Variants in NLGN4Y observed in about 807,000 individuals in gnomAD.
NLGN4Y encodes the protein neuroligin-4, Y-linked.
A neutral mutation model predicts 8.4 loss-of-function variants in NLGN4Y; 4 were observed. The observed-to-expected ratio is 0.48, with a 90% CI of 0.23 to 1.09. The LOEUF (loss-of-function observed/expected upper bound fraction) is 1.09, where lower values mean the gene tolerates loss of function less well. Ranked by LOEUF, NLGN4Y falls within the 50% of genes least tolerant of loss-of-function variation. The probability of loss-of-function intolerance (pLI) is 0.19; values close to 1 mark genes in which losing one functional copy is unlikely to be tolerated. For synonymous variants in NLGN4Y, 35 were observed against 75.6 expected, an observed-to-expected ratio of 0.46 and a Z score of 2.78; for missense variants, 90 against 192.3, an observed-to-expected ratio of 0.47 and a Z score of 3.15.
intron 1 of NLGN4Y, among the ~76,000 whole-genome samples, chrY:14,561,844 T>C (rs2080228862): frequency 2.9e-5 from 1 of 34,130 alleles, no homozygotes; most frequent in Non-Finnish European, 7.3e-5. Flanking sequence ...TTATTTCATA[T>C]GTCTGTTGGC....
intron 4 of NLGN4Y, among the ~76,000 whole-genome samples, chrY:14,749,272 A>G: frequency 9.0e-5 from 3 of 33,386 alleles, no homozygotes; most frequent in African/African-American, 3.5e-4. Context: ...AGGCTAAGGG[A>G]TTAAAGGAGG....
At chrY:14,605,031 T>C in intron 1 of NLGN4Y, among the ~76,000 whole-genome samples, 1 of 33,068 alleles carries the variant, frequency 3.0e-5, no homozygotes, top group Admixed American at 2.8e-4. Context: ...TTTTAATTCA[T>C]GTGGTATGAG....
chrY:14,748,637 A>C, intron 4 of NLGN4Y: 1 of 186,164 alleles, frequency 5.4e-6, no homozygotes, highest in East Asian at 1.1e-4. Flanking sequence ...ACCCTGGCTC[A>C]TGGAAACTGC....
At chrY:14,693,879 G>A (rs2080818995) in intron 2 of NLGN4Y, among the ~76,000 whole-genome samples, 1 of 29,987 alleles carries the variant, frequency 3.3e-5, no homozygotes, top group Non-Finnish European at 7.9e-5. Context: ...TTCCTGAAAC[G>A]AATATGTGAA....
chrY:14,762,498 G>A, intron 4 of NLGN4Y, among the ~76,000 whole-genome samples: 2 of 34,206 alleles, frequency 5.8e-5, no homozygotes, highest in Non-Finnish European at 1.5e-4. Flanking sequence ...AAGTGGCACC[G>A]AGTTGATCAT....
chrY:14,744,826 C>T (rs755224410), intron 4 of NLGN4Y, among the ~76,000 whole-genome samples: 1 of 33,791 alleles, frequency 3.0e-5, no homozygotes, highest in Non-Finnish European at 7.4e-5. Flanking sequence ...TGTGCCCTTT[C>T]CCATGGGGTA....
At chrY:14,833,533 G>T (rs1275486179) in intron 6 of NLGN4Y, among the ~76,000 whole-genome samples, 1 of 33,791 alleles carries the variant, frequency 3.0e-5, no homozygotes, top group Non-Finnish European at 7.4e-5. Flanking sequence ...ATGTTCTTCT[G>T]CCATGGCTTC....
intron 4 of NLGN4Y, among the ~76,000 whole-genome samples, chrY:14,732,796 A>G (rs2080977156): frequency 1.8e-4 from 6 of 33,074 alleles, no homozygotes; most frequent in Non-Finnish European, 3.7e-4. Context: ...AGATCAATGC[A>G]TCTTGATCCT....
chrY:14,704,425 T>C, intron 2 of NLGN4Y, among the ~76,000 whole-genome samples: 1 of 33,224 alleles, frequency 3.0e-5, no homozygotes, highest in Admixed American at 2.8e-4. Flanking sequence ...AATCATATGG[T>C]TTTTATTGTT....
chrY:14,549,558 C>A, intron 1 of NLGN4Y, among the ~76,000 whole-genome samples: 2 of 33,159 alleles, frequency 6.0e-5, no homozygotes, highest in Non-Finnish European at 1.5e-4. Flanking sequence ...CTTGCTTTTT[C>A]TCATTCTTTT....
At chrY:14,719,783 CT>C (rs1322586309) in intron 3 of NLGN4Y, among the ~76,000 whole-genome samples, 21 of 26,945 alleles carry the variant, frequency 7.8e-4, no homozygotes, top group African/African-American at 2.4e-3. Flanking sequence ...AGAAGCCCAC[CT>C]TTTTTTTTTT....
chrY:14,592,365 T>C, intron 1 of NLGN4Y, among the ~76,000 whole-genome samples: 2 of 33,135 alleles, frequency 6.0e-5, no homozygotes, highest in South Asian at 1.4e-3. Flanking sequence ...CTGTTTTCAC[T>C]TATCTTTTTT....
intron 4 of NLGN4Y, among the ~76,000 whole-genome samples, chrY:14,816,418 T>C (rs567569810): frequency 2.9e-5 from 1 of 34,454 alleles, no homozygotes; most frequent in African/African-American, 1.1e-4. Flanking sequence ...CCCTTGGTTT[T>C]TGCACTGTGT....
At chrY:14,780,331 G>A in intron 4 of NLGN4Y, among the ~76,000 whole-genome samples, 1 of 33,280 alleles carries the variant, frequency 3.0e-5, no homozygotes, top group Non-Finnish European at 7.4e-5. Flanking sequence ...GGTGGGAAAA[G>A]AAATATTGCT....
At chrY:14,647,678 T>C in intron 2 of NLGN4Y, among the ~76,000 whole-genome samples, 1 of 33,784 alleles carries the variant, frequency 3.0e-5, no homozygotes, top group African/African-American at 1.1e-4. Context: ...TTATATACAG[T>C]TGGCACAAAA....
intron 4 of NLGN4Y, among the ~76,000 whole-genome samples, chrY:14,802,288 C>G: frequency 3.0e-5 from 1 of 33,032 alleles, no homozygotes; most frequent in Non-Finnish European, 7.4e-5. Context: ...CTCTCGTTCA[C>G]TCTTTCTCTC....
At chrY:14,776,688 G>C (rs903348332) in intron 4 of NLGN4Y, among the ~76,000 whole-genome samples, 1 of 32,082 alleles carries the variant, frequency 3.1e-5, no homozygotes, top group Non-Finnish European at 7.6e-5. Context: ...GATCTGTGTG[G>C]TGTGTTGGTG....
chrY:14,566,674 A>G (rs2080253318), intron 1 of NLGN4Y, among the ~76,000 whole-genome samples: 2 of 33,548 alleles, frequency 6.0e-5, no homozygotes, highest in African/African-American at 2.3e-4. Flanking sequence ...AGTGGATCTA[A>G]TAGACATCTA....
Position 14,840,921 on chromosome Y carries a change from C to A in NLGN4Y, c.2170C>A (p.Arg724Ser). ...GCTGTACTACAAAAAGGACAAGAGG[C>A]GCCATGAGACTCACAGGCACCCCAG... Reference protein sequence around the residue: ...AALYYKKDKRRHETHRHPSPQ... With the variant: ...AALYYKKDKRSHETHRHPSPQ... The change falls in exon 7 of 7, where the codon CGC becomes AGC. Residue 724 changes from arginine (R) to serine (S), a missense_variant. Transcript: ENST00000684976. 3 of 398,923 alleles carry A rather than the reference C, an allele frequency of 7.5e-6. No individual in the cohort carries two copies. Among genetic ancestry groups the A allele is most frequent in the Non-Finnish European group, 7.1e-6 (2 of 283,680 alleles).
Sources: gnomAD v4.1 joint callset for allele counts (sites outside exome capture counted in the v4.1 genomes callset) on GRCh38, gnomAD v4.1.1 for gene constraint, MANE v1.5 for transcripts, NCBI Gene and HGNC (gene_info 2026-07-23, HGNC 2026-07-21) for gene names.